The following SCG3 variants were observed in gnomAD, a reference collection of about 807,000 sequenced individuals.
SCG3 encodes secretogranin III.
In SCG3, 38 loss-of-function variants were observed where a neutral mutation model predicts 56.2. The ratio of observed to expected loss-of-function variants is 0.68; its 90% CI spans 0.52 to 0.89. The LOEUF is 0.89. Among genes scored for constraint, SCG3 ranks in the 40% least tolerant of loss-of-function variants. SCG3 has a pLI of 0.00. For missense variants in SCG3, 524 were observed against 540.7 expected, an observed-to-expected ratio of 0.97 and a Z score of 0.31; for synonymous variants, 176 against 184.2, an observed-to-expected ratio of 0.96 and a Z score of 0.36.
intron 6 of SCG3, among the ~76,000 whole-genome samples, chr15:51,691,160 T>C (rs927915409): frequency 3.3e-5 from 5 of 152,154 alleles, no homozygotes; most frequent in African/African-American, 1.2e-4. Context: ...TAGAGAAGGA[T>C]GTGTGGAGTA....
rs3078130 is a variant in SCG3, at chr15:51,718,199, T to TAGACAGACAGAC, written c.1289-1181_1289-1170dup. ...ATGGATGGATGGATAGATAGATAGA[T>TAGACAGACAGAC]AGACAGACAGACAGACAGACAGACA... On this transcript the variant is annotated intron_variant, in intron 11 of 11. Transcript: ENST00000220478. Among the ~76,000 whole-genome samples, 452 of 149,004 alleles carry TAGACAGACAGAC rather than the reference T, an allele frequency of 3.0e-3. 4 individuals are homozygous for TAGACAGACAGAC. The highest frequency in any genetic ancestry group is 0.01 in the African/African-American group (418 of 40,182).
chr15:51,699,408 AT>A lies in SCG3; in HGVS notation c.1069+8del. On this transcript the variant is annotated splice_region_variant and intron_variant, in intron 9 of 11. Transcript: ENST00000220478. ...TATAAGCAAGCTTTTCCCAGGTATG[AT>A]TATTTAACTATTTTTTTAGCCTTTA... 1 of 1,558,798 alleles carries A rather than the reference AT, an allele frequency of 6.4e-7. No individual in the cohort carries two copies. The highest frequency in any genetic ancestry group is 8.8e-7 in the Non-Finnish European group (1 of 1,142,190).
chr15:51,705,540 G>A (rs12905903), intron 10 of SCG3, among the ~76,000 whole-genome samples: 26,106 of 148,112 alleles, frequency 0.18, 2,699 homozygotes, highest in Non-Finnish European at 0.23. Flanking sequence ...TTTTTTTCCC[G>A]AGACAGAGTC....
At chr15:51,709,871 C>A (rs2055408488) in intron 10 of SCG3, among the ~76,000 whole-genome samples, 1 of 143,864 alleles carries the variant, frequency 7.0e-6, no homozygotes, top group African/African-American at 2.5e-5. Flanking sequence ...CAGGTGCCCA[C>A]CAACACGCCC....
rs1002174979 is a variant in SCG3 at position 51,682,533 on chromosome 15, T to C, written c.99T>C (p.Asn33=). 1 of 1,454,164 alleles carries C rather than the reference T, an allele frequency of 6.9e-7. No individual in the cohort carries two copies. Among genetic ancestry groups the C allele is most frequent in the Non-Finnish European group, 9.2e-7 (1 of 1,084,278 alleles). The allele number at this position is 1,454,164 out of a possible 1,614,324, so 90.1% of individuals were successfully genotyped here. The change falls in exon 2 of 12, where the codon AAT becomes AAC. Residue 33 remains asparagine, a synonymous_variant. Coordinates refer to ENST00000220478, the MANE Select transcript of SCG3 (RefSeq NM_013243.4). The part of the protein sequence containing the change: ...PGGSQDKSLH[N]RELSAERPLN... ...TTATTCTAGACAAATCTCTACATAA[T>C]AGAGAATTAAGTGCAGAAAGACCTT...
chr15:51,690,560 T>C (rs994026245), intron 6 of SCG3, among the ~76,000 whole-genome samples: 1 of 151,528 alleles, frequency 6.6e-6, no homozygotes, highest in South Asian at 2.1e-4. Context: ...AAAACTTTCC[T>C]CTGCTCTCCT....
chr15:51,692,459 C>A, intron 7 of SCG3, 123 bp downstream of exon 7: 1 of 861,578 alleles, frequency 1.2e-6, no homozygotes, highest in Non-Finnish European at 1.7e-6. Context: ...ACACTGTGGG[C>A]TTGGGGAAAA....
At chr15:51,715,932 A>G (rs1055799089) in intron 11 of SCG3, among the ~76,000 whole-genome samples, 2 of 151,084 alleles carry the variant, frequency 1.3e-5, no homozygotes, top group Admixed American at 6.6e-5. Context: ...GTCTCCGCTC[A>G]CTGCGAGCTC....
chr15:51,687,510 A>C (rs1246786982), intron 4 of SCG3, among the ~76,000 whole-genome samples: 1 of 152,134 alleles, frequency 6.6e-6, no homozygotes, highest in African/African-American at 2.4e-5. Context: ...TGTATTGCCA[A>C]ATGTATTCCT....
chr15:51,700,323 A>G (rs932684343), intron 9 of SCG3, among the ~76,000 whole-genome samples: 1 of 152,252 alleles, frequency 6.6e-6, no homozygotes, highest in African/African-American at 2.4e-5. Flanking sequence ...ACAATAAAAA[A>G]ACACTTTATT....
rs775163663 is a variant in SCG3 at position 51,695,952 on chromosome 15, T to C, written c.946T>C (p.Tyr316His). ...LIDFVKMMVK[Y>H]GTISPEEGVS... ...TGACTTTGTGAAGATGATGGTGAAA[T>C]ATGGAACAATATCTCCAGAAGAAGG... Residue 316 changes from tyrosine (Y) to histidine (H), a missense_variant, in exon 8 of 12, where the codon TAT becomes CAT. By Grantham distance (83) the Tyr-to-His change is moderately conservative. Transcript: ENST00000220478. The C allele has an allele frequency of 1.6e-5, 25 of 1,604,206 alleles. No individual in the cohort carries two copies. The South Asian group carries it at 2.8e-4, about 18-fold the overall frequency.
At chr15:51,701,269 A>G in intron 10 of SCG3, 25 bp downstream of exon 10, 1 of 1,541,982 alleles carries the variant, frequency 6.5e-7, no homozygotes, top group Non-Finnish European at 8.7e-7. Flanking sequence ...GCTCTAGGTT[A>G]GCAATGAAAT....
chr15:51,682,865 A>G (rs2055203628), intron 2 of SCG3, among the ~76,000 whole-genome samples: 1 of 152,212 alleles, frequency 6.6e-6, no homozygotes, highest in Non-Finnish European at 1.5e-5. Flanking sequence ...TTCTCTTTCA[A>G]CAATATTATA....
At chr15:51,713,978 T>A (rs2055437424) in intron 11 of SCG3, among the ~76,000 whole-genome samples, 1 of 152,176 alleles carries the variant, frequency 6.6e-6, no homozygotes, top group Non-Finnish European at 1.5e-5. Context: ...GAAGATGGGA[T>A]GGATCTTCAT....
In SCG3 at chr15:51,681,851, T is replaced by G. The variant is rs2055196774; in HGVS notation, c.82+14T>G. The G allele has an allele frequency of 6.2e-7, 1 of 1,607,802 alleles. No homozygotes were observed. The highest frequency in any genetic ancestry group is 8.5e-7 in the Non-Finnish European group (1 of 1,174,524). On this transcript the variant is annotated intron_variant, in intron 1 of 11. Coordinates refer to ENST00000220478, the MANE Select transcript of SCG3 (RefSeq NM_013243.4). Reference sequence around the variant, plus strand: ...GAGGAAGCCAAGGTATGTGAACACTTTTCTTCTTCCTACCTTCCTTTTATT... The same window carrying G: ...GAGGAAGCCAAGGTATGTGAACACTGTTCTTCTTCCTACCTTCCTTTTATT...
In SCG3 at chr15:51,720,465, T is replaced by C. The variant is rs1387360947; in HGVS notation, c.*939T>C. On this transcript the variant is annotated 3_prime_UTR_variant, in exon 12 of 12. Coordinates refer to ENST00000220478, the MANE Select transcript of SCG3 (RefSeq NM_013243.4). ...CACCACAAACACAGCCCTGGAAACATACAGTGGCGCAAGGTCCTCTTGAAA... is the reference window on the plus strand; with the variant it reads ...CACCACAAACACAGCCCTGGAAACACACAGTGGCGCAAGGTCCTCTTGAAA... 2.0e-5 allele frequency: 3 copies of C among 152,276 alleles called. No individual in the cohort carries two copies. The highest frequency in any genetic ancestry group is 4.8e-5 in the African/African-American group (2 of 41,454). The allele number at this position is 152,276 out of a possible 1,614,324, so 9.4% of individuals were successfully genotyped here.
Position 51,681,655 on chromosome 15 carries a change from C to T in SCG3, c.-101C>T, listed in dbSNP as rs1054479787. On this transcript the variant is annotated 5_prime_UTR_variant, in exon 1 of 12. Transcript: ENST00000220478. ...GCCCCTCTCCCGCCCCACACCCACC[C>T]TCCTGGCTCTTCCTGTTTTTACTCC... is the stretch of plus-strand genomic sequence containing the variant. 4 of 667,050 alleles carry T rather than the reference C, an allele frequency of 6.0e-6. No homozygotes were observed. In the African/African-American group the frequency reaches 7.2e-5, roughly 12 times the overall value. The allele number at this position is 667,050 out of a possible 1,614,324, so 41.3% of individuals were successfully genotyped here.
chr15:51,705,823 G>C (rs1036945887), intron 10 of SCG3, among the ~76,000 whole-genome samples: 1 of 152,156 alleles, frequency 6.6e-6, no homozygotes, highest in Non-Finnish European at 1.5e-5. Flanking sequence ...ACCACGCCCA[G>C]CCTAGTGTTA....
intron 10 of SCG3, among the ~76,000 whole-genome samples, chr15:51,704,450 C>T (rs955110876): frequency 6.6e-6 from 1 of 150,558 alleles, no homozygotes; most frequent in South Asian, 2.1e-4. Flanking sequence ...AAACTCTGTA[C>T]CAATTAAACA....
Sources: allele counts gnomAD v4.1 joint callset (sites outside exome capture counted in the v4.1 genomes callset), GRCh38; gene constraint gnomAD v4.1.1; transcripts MANE v1.5; gene names NCBI Gene and HGNC (gene_info 2026-07-23, HGNC 2026-07-21).